The following VEPH1 variants were observed in gnomAD, a reference collection of about 807,000 sequenced individuals.
The protein encoded by VEPH1 is ventricular zone expressed PH domain containing 1.
A neutral mutation model predicts 85.2 loss-of-function variants in VEPH1; 80 were observed. That is an observed-to-expected ratio of 0.94 (90% CI 0.78 to 1.13). The LOEUF is 1.13. VEPH1 is among the 50% of genes most tolerant of loss of function. VEPH1 has a pLI of 0.00. For missense variants in VEPH1, 955 were observed against 980.5 expected (o/e 0.97, Z 0.35); for synonymous variants, 297 against 348.0 (o/e 0.85, Z 1.63).
intron 7 of VEPH1, among the ~76,000 whole-genome samples, chr3:157,375,351 G>A (rs766691656): frequency 1.3e-4 from 20 of 152,192 alleles, no homozygotes; most frequent in Non-Finnish European, 2.4e-4. Context: ...GGGACATGAT[G>A]TCTAAGCATG....
chr3:157,336,431 GGC>G (rs1559969354), intron 9 of VEPH1, among the ~76,000 whole-genome samples: 1 of 152,066 alleles, frequency 6.6e-6, no homozygotes, highest in Non-Finnish European at 1.5e-5. Context: ...CTTCCTATAT[GGC>G]ACCTCTCTTG....
At chr3:157,472,217 C>CT (rs534686492) in intron 2 of VEPH1, among the ~76,000 whole-genome samples, 94 of 152,288 alleles carry the variant, frequency 6.2e-4, no homozygotes, top group African/African-American at 2.2e-3. Context: ...ATCATCTCTA[C>CT]TTTTTTCCAG....
At chr3:157,326,633 G>A (rs1435305978) in intron 9 of VEPH1, among the ~76,000 whole-genome samples, 1 of 152,210 alleles carries the variant, frequency 6.6e-6, no homozygotes, top group Admixed American at 6.5e-5. Flanking sequence ...AAGTAAAAGA[G>A]AACAGGTTTT....
At chr3:157,375,491 G>A (rs1354257024) in intron 7 of VEPH1, among the ~76,000 whole-genome samples, 2 of 152,184 alleles carry the variant, frequency 1.3e-5, no homozygotes, top group Non-Finnish European at 2.9e-5. Context: ...TGTTGCTTGA[G>A]TATACATTAG....
intron 4 of VEPH1, among the ~76,000 whole-genome samples, chr3:157,436,439 A>C (rs1438889390): frequency 1.3e-5 from 2 of 152,204 alleles, no homozygotes; most frequent in African/African-American, 2.4e-5. Flanking sequence ...ACAGTGTACA[A>C]AGGAAACATG....
chr3:157,476,820 T>A (rs1264246169), intron 2 of VEPH1, among the ~76,000 whole-genome samples: 1 of 152,180 alleles, frequency 6.6e-6, no homozygotes, highest in Admixed American at 6.5e-5. Context: ...TGTTACACAA[T>A]GGAGATATCT....
intron 3 of VEPH1, among the ~76,000 whole-genome samples, chr3:157,465,048 G>C (rs952727022): frequency 2.0e-5 from 3 of 152,138 alleles, no homozygotes; most frequent in Non-Finnish European, 4.4e-5. Flanking sequence ...CAGGTCTCAG[G>C]AACCTGGGAG....
At chr3:157,298,562 G>C (rs1001789871) in intron 11 of VEPH1, among the ~76,000 whole-genome samples, 7 of 152,164 alleles carry the variant, frequency 4.6e-5, no homozygotes, top group African/African-American at 7.2e-5. Context: ...ACTAGCACTA[G>C]AGTGTGTGGT....
chr3:157,280,121 A>G (rs1187832889), intron 12 of VEPH1, among the ~76,000 whole-genome samples: 1 of 152,126 alleles, frequency 6.6e-6, no homozygotes, highest in Admixed American at 6.5e-5. Flanking sequence ...ACATAGGTCA[A>G]TACAAAAAGG....
At chr3:157,296,505 A>G (rs912824579) in intron 11 of VEPH1, among the ~76,000 whole-genome samples, 1 of 152,206 alleles carries the variant, frequency 6.6e-6, no homozygotes. Context: ...CTTGGTGGTG[A>G]AAGTCTTTCT....
chr3:157,324,784 G>T (rs146481297), intron 9 of VEPH1, among the ~76,000 whole-genome samples: 2 of 151,904 alleles, frequency 1.3e-5, no homozygotes, highest in Admixed American at 1.3e-4. Context: ...TGTGAATAGC[G>T]CTGCAATGAA....
At chr3:157,460,145 C>A (rs1735715648) in intron 4 of VEPH1, 36 bp downstream of exon 4, 3 of 1,614,114 alleles carry the variant, frequency 1.9e-6, no homozygotes, top group Non-Finnish European at 2.5e-6. Context: ...AAATATCTCC[C>A]AAAACATGTC....
rs141320307 is a variant in VEPH1 at position 157,366,640 on chromosome 3, C to T, written c.1128-2128G>A. Among the ~76,000 whole-genome samples, 59 of 151,946 alleles carry T rather than the reference C, an allele frequency of 3.9e-4. No homozygotes were observed. In the East Asian group the frequency reaches 8.3e-3, roughly 21 times the overall value. On this transcript the variant is annotated intron_variant, in intron 7 of 13. Coordinates refer to ENST00000362010, the MANE Select transcript of VEPH1 (RefSeq NM_001167912.2). ...ATCCCAGCTACTCGGGAGGCTGAGG[C>T]GGGAGAATCAATTGAACCTGGGAGG...
At chr3:157,393,649 A>G (rs1428018729) in intron 6 of VEPH1, among the ~76,000 whole-genome samples, 1 of 152,160 alleles carries the variant, frequency 6.6e-6, no homozygotes, top group East Asian at 1.9e-4. Context: ...CATACGAAAT[A>G]ATATATATAA....
chr3:157,370,508 C>G (rs2108809110), intron 7 of VEPH1, among the ~76,000 whole-genome samples: 1 of 152,282 alleles, frequency 6.6e-6, no homozygotes, highest in South Asian at 2.1e-4. Context: ...CTTGGGTCAT[C>G]AGTCATCATA....
At chr3:157,492,561 C>G (rs190328568) in intron 2 of VEPH1, among the ~76,000 whole-genome samples, 1 of 152,222 alleles carries the variant, frequency 6.6e-6, no homozygotes, top group Non-Finnish European at 1.5e-5. Context: ...AGAGGTGAAG[C>G]CTGGTGCTTA....
In VEPH1 at chr3:157,456,926, T is replaced by G. The variant is rs553173688; in HGVS notation, c.529+3255A>C. Among the ~76,000 whole-genome samples, 4 of 152,340 alleles carry G rather than the reference T, an allele frequency of 2.6e-5. No homozygotes were observed. In the East Asian group the frequency reaches 5.8e-4, roughly 22 times the overall value. On this transcript the variant is annotated intron_variant, in intron 4 of 13. Transcript: ENST00000362010. ...TCTGTGATGAATGTCATTAGTAATT[T>G]AATAGGAATAATATTGAATCTATAA...
chr3:157,396,959 T>C (rs1730442992), intron 6 of VEPH1, among the ~76,000 whole-genome samples: 1 of 152,208 alleles, frequency 6.6e-6, no homozygotes, highest in African/African-American at 2.4e-5. Flanking sequence ...CATTTGTCAA[T>C]TTTTGCTTTT....
At chr3:157,414,202 C>T (rs1287222223) in intron 5 of VEPH1, 112 bp from the exon 6 acceptor site, 2 of 749,722 alleles carry the variant, frequency 2.7e-6, no homozygotes, top group Admixed American at 4.9e-5. Flanking sequence ...CTGAACTCAA[C>T]ACATTCTGGG....
Sources: gnomAD v4.1 joint callset for allele counts (sites outside exome capture counted in the v4.1 genomes callset) on GRCh38, gnomAD v4.1.1 for gene constraint, MANE v1.5 for transcripts, NCBI Gene and HGNC (gene_info 2026-07-23, HGNC 2026-07-21) for gene names.